Variants in BBS9 observed in about 807,000 individuals in gnomAD.
BBS9 encodes the protein protein PTHB1.
BBS9 carries 89 observed loss-of-function variants against 117.7 expected under a neutral mutation model. That is an observed-to-expected ratio of 0.76 (90% CI 0.64 to 0.90). The LOEUF is 0.90. Ranked by LOEUF, BBS9 falls within the 40% of genes least tolerant of loss-of-function variation. The probability of loss-of-function intolerance (pLI) is 0.00; values close to 1 mark genes in which losing one functional copy is unlikely to be tolerated. For synonymous variants in BBS9, 379 were observed against 370.9 expected (o/e 1.02, Z -0.25); for missense variants, 982 against 1,042.2 (o/e 0.94, Z 0.80).
intron 9 of BBS9, among the ~76,000 whole-genome samples, chr7:33,307,177 C>G (rs181121510): frequency 6.6e-6 from 1 of 152,158 alleles, no homozygotes; most frequent in East Asian, 1.9e-4. Flanking sequence ...TATACAGTAA[C>G]AAAAATAAGA....
intron 20 of BBS9, among the ~76,000 whole-genome samples, chr7:33,506,724 A>T (rs539908706): frequency 3.9e-5 from 6 of 152,104 alleles, no homozygotes; most frequent in East Asian, 1.9e-4. Flanking sequence ...ATTTTTTTTT[A>T]AAAAAGAAGC....
At chr7:33,222,072 A>G (rs1790354497) in intron 5 of BBS9, among the ~76,000 whole-genome samples, 1 of 152,232 alleles carries the variant, frequency 6.6e-6, no homozygotes, top group Non-Finnish European at 1.5e-5. Context: ...AATAGCAGAT[A>G]CAATGATGTG....
At chr7:33,300,323 G>C (rs569838819) in intron 9 of BBS9, among the ~76,000 whole-genome samples, 1 of 152,296 alleles carries the variant, frequency 6.6e-6, no homozygotes, top group Non-Finnish European at 1.5e-5. Flanking sequence ...GCAGTGGTCA[G>C]CTTCTGGCAT....
chr7:33,227,655 A>G (rs543273196), intron 5 of BBS9, among the ~76,000 whole-genome samples: 1 of 151,892 alleles, frequency 6.6e-6, no homozygotes, highest in Admixed American at 6.6e-5. Context: ...TATCATTCCT[A>G]TGCTTTTGCA....
intron 4 of BBS9, among the ~76,000 whole-genome samples, chr7:33,160,350 A>C (rs926649728): frequency 1.3e-5 from 2 of 152,188 alleles, no homozygotes; most frequent in African/African-American, 4.8e-5. Context: ...ACTGATTATG[A>C]GGCAACAAAT....
At chr7:33,562,740 A>G (rs918206772) in intron 21 of BBS9, among the ~76,000 whole-genome samples, 4 of 152,164 alleles carry the variant, frequency 2.6e-5, no homozygotes, top group Non-Finnish European at 4.4e-5. Context: ...CCTGGCCAAC[A>G]TGGTGAAACC....
chr7:33,210,049 G>A (rs1171490446), intron 5 of BBS9, among the ~76,000 whole-genome samples: 1 of 151,966 alleles, frequency 6.6e-6, no homozygotes, highest in East Asian at 1.9e-4. Context: ...TTTCCTTTTA[G>A]TACTGCTTTC....
intron 19 of BBS9, among the ~76,000 whole-genome samples, chr7:33,440,380 C>T (rs1835986086): frequency 6.6e-6 from 1 of 152,076 alleles, no homozygotes; most frequent in South Asian, 2.1e-4. Context: ...AACAGTCATC[C>T]CTATTTTCTT....
intron 14 of BBS9, among the ~76,000 whole-genome samples, chr7:33,351,664 A>G (rs574514229): frequency 7.2e-5 from 11 of 152,130 alleles, no homozygotes; most frequent in Non-Finnish European, 1.5e-4. Context: ...TAGTTCAGCC[A>G]TATCTGCGTT....
chr7:33,601,518 A>T lies in BBS9; in HGVS notation c.2522-3347A>T, dbSNP rs572597552. On this transcript the variant is annotated intron_variant, in intron 21 of 22. Coordinates refer to ENST00000242067, the MANE Select transcript of BBS9 (RefSeq NM_198428.3). ...TTAACCTTAAATTTTTAACAAATAC[A>T]TATTTTTTTCCTAGCAAAAGTATCA... 2.0e-5 allele frequency among the ~76,000 whole-genome samples: 3 copies of T among 152,188 alleles called. No individual in the cohort carries two copies. In the South Asian group the frequency reaches 6.2e-4, roughly 32 times the overall value.
At chr7:33,552,273 A>G (rs908614847) in intron 21 of BBS9, among the ~76,000 whole-genome samples, 5 of 152,296 alleles carry the variant, frequency 3.3e-5, no homozygotes, top group Non-Finnish European at 5.9e-5. Flanking sequence ...ATCTAATACA[A>G]TTGGAACACA....
At chr7:33,346,031 C>T (rs1817525697) in intron 12 of BBS9, among the ~76,000 whole-genome samples, 2 of 152,134 alleles carry the variant, frequency 1.3e-5, no homozygotes, top group African/African-American at 4.8e-5. Context: ...GTGGAACTTA[C>T]TATATTTGAG....
chr7:33,179,955 A>G (rs149178504), intron 5 of BBS9, among the ~76,000 whole-genome samples: 65 of 152,282 alleles, frequency 4.3e-4, no homozygotes, highest in East Asian at 3.9e-3. Context: ...ACTTCCTTGT[A>G]GTTTCAGTAA....
At chr7:33,254,948 G>T (rs981447101) in intron 5 of BBS9, among the ~76,000 whole-genome samples, 51 of 152,180 alleles carry the variant, frequency 3.4e-4, no homozygotes, top group African/African-American at 1.2e-3. Context: ...TTGGCGATTT[G>T]TATGTCTTAT....
chr7:33,340,678 C>T (rs1039995716), intron 10 of BBS9, among the ~76,000 whole-genome samples: 3 of 152,136 alleles, frequency 2.0e-5, no homozygotes, highest in African/African-American at 7.2e-5. Context: ...TGGCTCACAT[C>T]TTAGCAAATA....
intron 9 of BBS9, among the ~76,000 whole-genome samples, chr7:33,324,377 C>G (rs1176024436): frequency 6.6e-6 from 1 of 152,092 alleles, no homozygotes; most frequent in Non-Finnish European, 1.5e-5. Context: ...AACTTTGTCC[C>G]TCTGCTTTTT....
intron 5 of BBS9, among the ~76,000 whole-genome samples, chr7:33,203,307 A>G (rs1268465778): frequency 2.6e-5 from 4 of 152,224 alleles, no homozygotes; most frequent in East Asian, 3.8e-4. Context: ...ATTGAAACAC[A>G]GATTGCTGGG....
At chr7:33,407,553 A>G (rs1584702970) in intron 19 of BBS9, among the ~76,000 whole-genome samples, 1 of 151,800 alleles carries the variant, frequency 6.6e-6, no homozygotes, top group Non-Finnish European at 1.5e-5. Context: ...TTTTTTCCCC[A>G]TCTTTGTGGT....
At chr7:33,285,887 G>T (rs1802790843) in intron 9 of BBS9, among the ~76,000 whole-genome samples, 1 of 151,598 alleles carries the variant, frequency 6.6e-6, no homozygotes, top group Admixed American at 6.6e-5. Context: ...TCTTCTGCTT[G>T]GCTCATGTTT....
Sources: allele counts gnomAD v4.1 joint callset (sites outside exome capture counted in the v4.1 genomes callset), GRCh38; gene constraint gnomAD v4.1.1; transcripts MANE v1.5; gene names NCBI Gene and HGNC (gene_info 2026-07-23, HGNC 2026-07-21).